The following EVI5 variants were observed in gnomAD, a reference collection of about 807,000 sequenced individuals.
EVI5 encodes the protein ecotropic viral integration site 5, also known as ecotropic viral integration site 5 protein homolog.
EVI5 carries 73 observed loss-of-function variants against 112.0 expected under a neutral mutation model. The ratio of observed to expected loss-of-function variants is 0.65; its 90% CI spans 0.54 to 0.79. The LOEUF (loss-of-function observed/expected upper bound fraction) is 0.79. Among genes scored for constraint, EVI5 ranks in the 30% least tolerant of loss-of-function variants. The probability of loss-of-function intolerance (pLI) is 0.00; values close to 1 mark genes in which losing one functional copy is unlikely to be tolerated. For missense variants in EVI5, 900 were observed against 968.8 expected (o/e 0.93, Z 0.94); for synonymous variants, 305 against 319.9 (o/e 0.95, Z 0.50).
At chr1:92,670,824 C>T (rs994094424) in intron 10 of EVI5, among the ~76,000 whole-genome samples, 7 of 152,170 alleles carry the variant, frequency 4.6e-5, no homozygotes, top group Admixed American at 3.3e-4. Flanking sequence ...CCCAAAACCA[C>T]ATCCTACATC....
chr1:92,600,765 G>A (rs1648987221), intron 18 of EVI5, among the ~76,000 whole-genome samples: 1 of 152,146 alleles, frequency 6.6e-6, no homozygotes, highest in African/African-American at 2.4e-5. Context: ...TATGCTGCTG[G>A]CTGCCCGCTC....
intron 18 of EVI5, among the ~76,000 whole-genome samples, chr1:92,588,474 A>C (rs1439671991): frequency 6.6e-6 from 1 of 152,212 alleles, no homozygotes; most frequent in South Asian, 2.1e-4. Flanking sequence ...GTTTGTTTAA[A>C]TAAATATCCC....
chr1:92,619,218 C>T (rs1653946953), intron 16 of EVI5, among the ~76,000 whole-genome samples: 1 of 152,066 alleles, frequency 6.6e-6, no homozygotes, highest in Non-Finnish European at 1.5e-5. Flanking sequence ...AGCTGATGGG[C>T]ACAATCTAAT....
intron 19 of EVI5, among the ~76,000 whole-genome samples, chr1:92,539,687 A>AT (rs1453713365): frequency 6.6e-6 from 1 of 152,156 alleles, no homozygotes; most frequent in African/African-American, 2.4e-5. Flanking sequence ...AAGACTATGA[A>AT]TTTTTAAAAT....
intron 19 of EVI5, among the ~76,000 whole-genome samples, chr1:92,524,317 GA>G (rs1468750356): frequency 3.9e-5 from 6 of 152,076 alleles, no homozygotes; most frequent in Admixed American, 3.3e-4. Context: ...ACCATGTTAA[GA>G]AAATCTGATA....
intron 18 of EVI5, among the ~76,000 whole-genome samples, chr1:92,569,852 C>CAAAAAAA (rs1184172805): frequency 7.6e-5 from 3 of 39,502 alleles, no homozygotes; most frequent in African/African-American, 2.2e-4. Flanking sequence ...GACTCCATCT[C>CAAAAAAA]AAAAAAAAAA....
chr1:92,591,025 T>G (rs1191901580), intron 18 of EVI5, among the ~76,000 whole-genome samples: 2 of 152,166 alleles, frequency 1.3e-5, no homozygotes, highest in Non-Finnish European at 2.9e-5. Flanking sequence ...GCTGCATAAG[T>G]AAAGGAGAAA....
At chr1:92,600,169 G>A (rs1648812206) in intron 18 of EVI5, among the ~76,000 whole-genome samples, 1 of 152,168 alleles carries the variant, frequency 6.6e-6, no homozygotes, top group Non-Finnish European at 1.5e-5. Flanking sequence ...TATTTTGAAA[G>A]ATTGAAGAGT....
intron 9 of EVI5, among the ~76,000 whole-genome samples, chr1:92,687,244 C>T (rs1297749112): frequency 2.0e-5 from 3 of 152,174 alleles, no homozygotes; most frequent in Non-Finnish European, 4.4e-5. Context: ...CACACATCTA[C>T]AACCATCTGC....
intron 10 of EVI5, among the ~76,000 whole-genome samples, chr1:92,675,695 G>A (rs1011533381): frequency 5.3e-5 from 8 of 152,084 alleles, no homozygotes; most frequent in Non-Finnish European, 7.4e-5. Flanking sequence ...GGTGGCTCAC[G>A]CCTGTAATCC....
At chr1:92,667,660 G>T (rs1665148301) in intron 10 of EVI5, among the ~76,000 whole-genome samples, 1 of 152,166 alleles carries the variant, frequency 6.6e-6, no homozygotes, top group African/African-American at 2.4e-5. Context: ...CTGTCGCCCA[G>T]GCTGGAATGC....
chr1:92,654,998 A>G (rs1310402061), intron 13 of EVI5, among the ~76,000 whole-genome samples: 4 of 152,204 alleles, frequency 2.6e-5, no homozygotes, highest in African/African-American at 9.6e-5. Flanking sequence ...GTCTAAACCT[A>G]CAAGTCATAG....
At chr1:92,641,927 C>T (rs927695750) in intron 13 of EVI5, among the ~76,000 whole-genome samples, 1 of 152,160 alleles carries the variant, frequency 6.6e-6, no homozygotes, top group Non-Finnish European at 1.5e-5. Context: ...ATCACGACGT[C>T]AGGAGATCAA....
At chr1:92,747,436 G>A (rs952666907) in intron 1 of EVI5, among the ~76,000 whole-genome samples, 12 of 151,980 alleles carry the variant, frequency 7.9e-5, no homozygotes, top group Admixed American at 5.9e-4. Context: ...GAAATAAGCC[G>A]GGTGTGGTGG....
chr1:92,544,215 C>T (rs767973946), intron 19 of EVI5, among the ~76,000 whole-genome samples: 1 of 152,014 alleles, frequency 6.6e-6, no homozygotes, highest in African/African-American at 2.4e-5. Context: ...GCTAAATGAG[C>T]ATAGGATTTC....
At chr1:92,602,479 T>A (rs1005532821) in intron 18 of EVI5, among the ~76,000 whole-genome samples, 2 of 152,182 alleles carry the variant, frequency 1.3e-5, no homozygotes, top group Non-Finnish European at 2.9e-5. Context: ...CCTTGTAATA[T>A]GGAACTCCTA....
chr1:92,766,986 G>A (rs1324597300), intron 1 of EVI5, among the ~76,000 whole-genome samples: 1 of 149,778 alleles, frequency 6.7e-6, no homozygotes, highest in South Asian at 2.1e-4. Context: ...GGAGGCTGAG[G>A]CAGGACAATC....
At chr1:92,544,553 T>C (rs1046650193) in intron 19 of EVI5, among the ~76,000 whole-genome samples, 2 of 152,204 alleles carry the variant, frequency 1.3e-5, no homozygotes, top group Admixed American at 6.5e-5. Context: ...TACAACTTCA[T>C]TTAAAATTTA....
rs1670141655 is a variant in EVI5, at chr1:92,695,347, G to A, written c.872C>T (p.Pro291Leu). The A allele has an allele frequency of 6.2e-7, 1 of 1,609,742 alleles. No individual in the cohort carries two copies. The highest frequency in any genetic ancestry group is 1.3e-5 in the African/African-American group (1 of 74,804). Residue 291 changes from proline to leucine, a missense_variant, in exon 7 of 20, where the codon CCA becomes CTA. By Grantham distance (98) the Pro-to-Leu change is moderately conservative. Coordinates refer to ENST00000684568, the MANE Select transcript of EVI5 (RefSeq NM_001350197.2). ...GATATCAAATATCCTTGTTGCAATT[G>A]GTAGTGGAAAAGTTGTAAGAAAGAT... is the stretch of plus-strand genomic sequence containing the variant. ...LTIFLTTFPL[P>L]IATRIFDIFM...
Sources: gnomAD v4.1 joint callset for allele counts (sites outside exome capture counted in the v4.1 genomes callset) on GRCh38, gnomAD v4.1.1 for gene constraint, MANE v1.5 for transcripts, NCBI Gene and HGNC (gene_info 2026-07-23, HGNC 2026-07-21) for gene names.